The following SRGAP1 variants were observed in gnomAD, a reference collection of about 807,000 sequenced individuals.
SRGAP1 encodes the protein SLIT-ROBO Rho GTPase activating protein 1.
Under a neutral mutation model 121.9 loss-of-function variants are expected in SRGAP1, and 43 were observed. The observed-to-expected ratio is 0.35, with a 90% CI of 0.28 to 0.46. The LOEUF (loss-of-function observed/expected upper bound fraction) is 0.46, where lower values mean the gene tolerates loss of function less well. Ranked by LOEUF, SRGAP1 falls within the 20% of genes least tolerant of loss-of-function variation. The pLI, the probability that SRGAP1 is intolerant of heterozygous loss-of-function variation, is 1.00. For synonymous variants in SRGAP1, 447 were observed against 485.4 expected, an observed-to-expected ratio of 0.92 and a Z score of 1.04; for missense variants, 1,102 against 1,350.9, an observed-to-expected ratio of 0.82 and a Z score of 2.89.
chr12:64,013,476 T>G (rs1232399999), intron 3 of SRGAP1, among the ~76,000 whole-genome samples: 2 of 152,202 alleles, frequency 1.3e-5, no homozygotes, highest in Non-Finnish European at 2.9e-5. Context: ...AATCATTAAT[T>G]TCTACGTTAT....
Position 64,143,986 on chromosome 12 carries a change from T to TTTTTGG in SRGAP1, c.*1326_*1331dup, listed in dbSNP as rs1216512827. ...TTCTTTTTCTTTGTCCCTTTTCCCC[T>TTTTTGG]TTTTGGTTTTGGTTTTGTATGTGGG... On this transcript the variant is annotated 3_prime_UTR_variant, in exon 22 of 22. Coordinates refer to ENST00000355086, the MANE Select transcript of SRGAP1 (RefSeq NM_020762.4). 6.6e-6 allele frequency: 1 copy of TTTTTGG among 152,216 alleles called. No individual in the cohort carries two copies. Among genetic ancestry groups the TTTTTGG allele is most frequent in the Non-Finnish European group, 1.5e-5 (1 of 68,070 alleles). 9.4% of individuals were successfully genotyped at this position (152,216 alleles called of 1,614,324 possible). A position where few individuals can be genotyped will look rare whatever the true frequency, so the allele number is the denominator to read the frequency against.
chr12:64,047,152 C>T (rs549415326), intron 6 of SRGAP1, among the ~76,000 whole-genome samples: 2 of 152,252 alleles, frequency 1.3e-5, no homozygotes, highest in East Asian at 3.9e-4. Context: ...AATAATATAA[C>T]TTAAGATATT....
chr12:63,879,557 T>A (rs1900128578), intron 1 of SRGAP1: 1 of 152,210 alleles, frequency 6.6e-6, no homozygotes. Flanking sequence ...TTCTAAATGC[T>A]TACTGTCAAT....
chr12:63,958,302 G>T (rs1408990924), intron 1 of SRGAP1, among the ~76,000 whole-genome samples: 2 of 152,016 alleles, frequency 1.3e-5, no homozygotes, highest in Non-Finnish European at 2.9e-5. Flanking sequence ...GCCACTCTCC[G>T]TGCAGTGTGC....
chr12:63,857,230 C>T (rs1899283870), intron 1 of SRGAP1, among the ~76,000 whole-genome samples: 1 of 151,434 alleles, frequency 6.6e-6, no homozygotes, highest in East Asian at 1.9e-4. Context: ...CAGGCATGCT[C>T]CACCACGCCC....
chr12:63,996,145 G>A (rs940019509), intron 3 of SRGAP1, among the ~76,000 whole-genome samples: 12 of 151,378 alleles, frequency 7.9e-5, no homozygotes, highest in Non-Finnish European at 1.6e-4. Flanking sequence ...TTTAGAAAAC[G>A]CTATAAATAT....
At chr12:63,884,868 C>T (rs1470996996) in intron 1 of SRGAP1, among the ~76,000 whole-genome samples, 4 of 151,750 alleles carry the variant, frequency 2.6e-5, no homozygotes, top group African/African-American at 7.3e-5. Flanking sequence ...TACAGGCGCC[C>T]GCCACCACAC....
At chr12:64,023,187 A>G (rs962185180) in intron 4 of SRGAP1, among the ~76,000 whole-genome samples, 8 of 60,542 alleles carry the variant, frequency 1.3e-4, no homozygotes, top group Admixed American at 7.4e-4. Context: ...TATGATGAAT[A>G]TATGTTACTT....
intron 4 of SRGAP1, among the ~76,000 whole-genome samples, chr12:64,027,412 G>A (rs2034677537): frequency 6.6e-6 from 1 of 152,018 alleles, no homozygotes; most frequent in African/African-American, 2.4e-5. Context: ...CCATGTTGAG[G>A]ACTGAGAAAA....
intron 4 of SRGAP1, among the ~76,000 whole-genome samples, chr12:64,028,214 C>A (rs537603318): frequency 6.6e-6 from 1 of 152,206 alleles, no homozygotes; most frequent in African/African-American, 2.4e-5. Flanking sequence ...CTATTCCATG[C>A]ACAAACTCTT....
intron 4 of SRGAP1, among the ~76,000 whole-genome samples, chr12:64,023,115 A>G (rs530985400): frequency 6.6e-6 from 1 of 151,368 alleles, no homozygotes; most frequent in African/African-American, 2.4e-5. Context: ...AAGTAAATGC[A>G]GATATCAGGA....
chr12:63,882,466 A>G (rs1189618030), intron 1 of SRGAP1, among the ~76,000 whole-genome samples: 1 of 152,118 alleles, frequency 6.6e-6, no homozygotes, highest in Non-Finnish European at 1.5e-5. Context: ...TATTTTTAGT[A>G]GAGACGGGGG....
chr12:63,971,078 C>T (rs1332790443), intron 1 of SRGAP1, among the ~76,000 whole-genome samples: 2 of 152,188 alleles, frequency 1.3e-5, no homozygotes, highest in Non-Finnish European at 2.9e-5. Context: ...CTCTCAGCCA[C>T]TCCTTTTGTC....
chr12:64,086,884 G>C, intron 10 of SRGAP1, 115 bp from the exon 11 acceptor site: 1 of 720,368 alleles, frequency 1.4e-6, no homozygotes, highest in Non-Finnish European at 2.4e-6. Context: ...CCATAAAAAC[G>C]TGTAAGTTAT....
At chr12:64,049,936 T>G (rs904087606) in intron 6 of SRGAP1, among the ~76,000 whole-genome samples, 1 of 152,184 alleles carries the variant, frequency 6.6e-6, no homozygotes, top group Non-Finnish European at 1.5e-5. Context: ...AAGAGTATTA[T>G]TGGTATTTCA....
At chr12:63,913,489 A>G (rs2030630994) in intron 1 of SRGAP1, among the ~76,000 whole-genome samples, 1 of 134,104 alleles carries the variant, frequency 7.5e-6, no homozygotes, top group Non-Finnish European at 1.6e-5. Context: ...ATATATATAT[A>G]TAAATACACA....
chr12:64,010,197 G>A (rs1175313341), intron 3 of SRGAP1, among the ~76,000 whole-genome samples: 4 of 151,934 alleles, frequency 2.6e-5, no homozygotes, highest in South Asian at 4.2e-4. Context: ...TTACTCCCGC[G>A]GTGACTCAGC....
chr12:64,034,776 G>A (rs978333088), intron 4 of SRGAP1, among the ~76,000 whole-genome samples: 10 of 152,196 alleles, frequency 6.6e-5, no homozygotes, highest in Non-Finnish European at 1.5e-4. Flanking sequence ...GCAAGTAAGG[G>A]CAGAGGCAGG....
intron 3 of SRGAP1, among the ~76,000 whole-genome samples, chr12:64,007,561 C>T (rs1306574538): frequency 6.6e-6 from 1 of 152,034 alleles, no homozygotes; most frequent in Non-Finnish European, 1.5e-5. Flanking sequence ...GTTGGGGACC[C>T]CTGATATAAG....
Sources: allele counts gnomAD v4.1 joint callset (sites outside exome capture counted in the v4.1 genomes callset), GRCh38; gene constraint gnomAD v4.1.1; transcripts MANE v1.5; gene names NCBI Gene and HGNC (gene_info 2026-07-23, HGNC 2026-07-21).